PDXDC1: variants seen among roughly 807,000 people sequenced by gnomAD.
PDXDC1 encodes the protein pyridoxal dependent decarboxylase domain containing 1.
A neutral mutation model predicts 100.1 loss-of-function variants in PDXDC1; 42 were observed. The ratio of observed to expected loss-of-function variants is 0.42; its 90% CI spans 0.33 to 0.54. The LOEUF is 0.54. Ranked by LOEUF, PDXDC1 falls within the 20% of genes least tolerant of loss-of-function variation. The probability of loss-of-function intolerance (pLI) is 0.10; values close to 1 mark genes in which losing one functional copy is unlikely to be tolerated. For missense variants in PDXDC1, 636 were observed against 979.2 expected (o/e 0.65, Z 4.68); for synonymous variants, 260 against 371.7 (o/e 0.70, Z 3.46).
downstream of PDXDC1, among the ~76,000 whole-genome samples, chr16:15,142,593 T>A (rs1014721439): frequency 3.9e-5 from 6 of 152,020 alleles, no homozygotes; most frequent in Non-Finnish European, 7.4e-5. Context: ...AGGACTCAGG[T>A]GTGGGCTTCA....
At chr16:15,085,824 T>C in intron 16 of PDXDC1, 3 of 1,377,148 alleles carry the variant, frequency 2.2e-6, no homozygotes, top group Non-Finnish European at 3.0e-6. Context: ...TAATCCAAAG[T>C]TAGCCCAATG....
chr16:15,067,708 CAAAGTATA>C (rs984935905), intron 16 of PDXDC1, among the ~76,000 whole-genome samples: 3 of 151,922 alleles, frequency 2.0e-5, no homozygotes, highest in African/African-American at 4.8e-5. Flanking sequence ...CCAACGCCAT[CAAAGTATA>C]AAAACAATAG....
At chr16:15,150,176 C>A in the PDXDC1 span, among the ~76,000 whole-genome samples, 1 of 151,788 alleles carries the variant, frequency 6.6e-6, no homozygotes, top group South Asian at 2.1e-4. Context: ...AACCCCGTCT[C>A]TACTAAAAAT....
rs1261342636 is a variant in PDXDC1 at position 15,038,044 on chromosome 16, G to A, written c.*1769G>A. Reference sequence around the variant, plus strand: ...AATTCATGTTTTTTAACTTCCTGGAGAAGAGATCTTTTCCCACAAGCCATC... The same window carrying A: ...AATTCATGTTTTTTAACTTCCTGGAAAAGAGATCTTTTCCCACAAGCCATC... On this transcript the variant is annotated 3_prime_UTR_variant, in exon 23 of 23. Coordinates refer to ENST00000396410, the MANE Select transcript of PDXDC1 (RefSeq NM_015027.4). 1 of 1,611,672 alleles carries A rather than the reference G, an allele frequency of 6.2e-7. No individual in the cohort carries two copies. Among genetic ancestry groups the A allele is most frequent in the East Asian group, 2.2e-5 (1 of 44,876 alleles).
chr16:15,121,678 T>C (rs1598171199), intron 16 of PDXDC1, among the ~76,000 whole-genome samples: 1 of 4,548 alleles, frequency 2.2e-4, no homozygotes, highest in African/African-American at 1.0e-3. Flanking sequence ...CGCTCGAACC[T>C]GGGAAGCAGA....
chr16:15,068,385 A>C (rs1252621344), intron 16 of PDXDC1: 3 of 1,390,096 alleles, frequency 2.2e-6, no homozygotes, highest in Non-Finnish European at 2.9e-6. Context: ...ACTTTAAAAA[A>C]TTATTTGCAG....
chr16:15,104,895 G>A (rs2151857210), intron 16 of PDXDC1: 1 of 1,532,030 alleles, frequency 6.5e-7, no homozygotes, highest in Non-Finnish European at 8.7e-7. Flanking sequence ...CAAAATAGCA[G>A]TATCAGTGTC....
In PDXDC1 at chr16:14,988,984, G is replaced by GC. The variant is rs1970058051; in HGVS notation, c.22-8768dup. ...CTGAAGCGGTGATCTTCATAGTTGA[G>GC]CGTCGACTCCATCTGGTCTCGCTCC... On this transcript the variant is annotated intron_variant, in intron 1 of 22. Transcript: ENST00000396410. The GC allele has an allele frequency of 7.4e-6, 12 of 1,614,100 alleles. No homozygotes were observed. In the East Asian group the frequency reaches 2.7e-4, roughly 36 times the overall value.
intron 16 of PDXDC1, among the ~76,000 whole-genome samples, chr16:15,051,335 CAGT>C (rs2044282120): frequency 6.6e-6 from 1 of 152,220 alleles, no homozygotes; most frequent in East Asian, 1.9e-4. Flanking sequence ...AAAACTAAAA[CAGT>C]AGACTGCTTT....
rs2047669727 is a variant in PDXDC1, at chr16:15,125,635, T to A, written c.1400-13244T>A. 15 of 1,211,638 alleles carry A rather than the reference T, an allele frequency of 1.2e-5. 1 individual carries two copies. The East Asian group carries it at 3.2e-4, about 26-fold the overall frequency. The allele number at this position is 1,211,638 out of a possible 1,614,324, so 75.1% of individuals were successfully genotyped here. Reference sequence around the variant, plus strand: ...GGTGCACAGTGTCTGGAGTCCAAGCTGCGCCAAGGCGGCAGGACCCCCAGC... The same window carrying A: ...GGTGCACAGTGTCTGGAGTCCAAGCAGCGCCAAGGCGGCAGGACCCCCAGC... On this transcript the variant is annotated intron_variant, in intron 16 of 16. Coordinates refer to the PDXDC1 transcript ENST00000535621.
chr16:15,039,109 G>A (rs1050957397), downstream of PDXDC1, among the ~76,000 whole-genome samples: 4 of 152,288 alleles, frequency 2.6e-5, no homozygotes, highest in East Asian at 1.9e-4. Flanking sequence ...AGCATACAGT[G>A]CCTGCTGCCC....
At chr16:15,124,359 C>G (rs1363879062) in intron 16 of PDXDC1, among the ~76,000 whole-genome samples, 3 of 152,178 alleles carry the variant, frequency 2.0e-5, no homozygotes, top group Non-Finnish European at 2.9e-5. Context: ...GCTTTAAATC[C>G]CTTTACCATT....
chr16:15,082,132 A>G (rs2151804580), intron 16 of PDXDC1, among the ~76,000 whole-genome samples: 1 of 152,342 alleles, frequency 6.6e-6, no homozygotes, highest in Middle Eastern at 3.4e-3. Context: ...CTAGACAAGC[A>G]GCAAGAGCGG....
chr16:15,064,767 T>C (rs1483932368), intron 16 of PDXDC1, among the ~76,000 whole-genome samples: 1 of 152,118 alleles, frequency 6.6e-6, no homozygotes, highest in Non-Finnish European at 1.5e-5. Flanking sequence ...TCTGGTGAAA[T>C]ATACGCAGGG....
downstream of PDXDC1, among the ~76,000 whole-genome samples, chr16:15,042,993 C>T (rs139588056): frequency 0.013 from 1,897 of 151,130 alleles, 29 homozygotes; most frequent in African/African-American, 0.015. Flanking sequence ...CTATACCTCC[C>T]GGGTTCAAGC....
At chr16:15,065,468 G>T in intron 16 of PDXDC1, 1 of 964,150 alleles carries the variant, frequency 1.0e-6, no homozygotes, top group Non-Finnish European at 1.5e-6. Context: ...CTACCACAGA[G>T]AAATTGCTGA....
intron 8 of PDXDC1, among the ~76,000 whole-genome samples, chr16:15,012,978 G>A (rs1446860118): frequency 6.6e-6 from 1 of 152,218 alleles, no homozygotes; most frequent in African/African-American, 2.4e-5. Context: ...AAGACATCCT[G>A]GCTAACATGG....
rs756996531 is a variant in PDXDC1 at position 15,128,418 on chromosome 16, C to G, written c.1400-10461C>G. On this transcript the variant is annotated intron_variant, in intron 16 of 16. Coordinates refer to the PDXDC1 transcript ENST00000535621. ...GAGGGCAAGAGGGAGGGGTGGGAGG[C>G]TCGGTCTGCTGCCCAACACGTGTGG... 1.9e-5 allele frequency: 25 copies of G among 1,335,928 alleles called. No individual in the cohort carries two copies. The South Asian group carries it at 3.0e-4, about 16-fold the overall frequency. 82.8% of individuals were successfully genotyped at this position (1,335,928 alleles called of 1,614,324 possible).
chr16:15,141,631 C>A (rs2048477005), downstream of PDXDC1, among the ~76,000 whole-genome samples: 1 of 152,018 alleles, frequency 6.6e-6, no homozygotes, highest in Non-Finnish European at 1.5e-5. Flanking sequence ...CTAACTGAAC[C>A]CTGCTTCTCT....
Sources: allele counts gnomAD v4.1 joint callset (sites outside exome capture counted in the v4.1 genomes callset), GRCh38; gene constraint gnomAD v4.1.1; transcripts MANE v1.5; gene names NCBI Gene and HGNC (gene_info 2026-07-23, HGNC 2026-07-21).